ATP13A4: variants seen among roughly 807,000 people sequenced by gnomAD.
ATP13A4 encodes ATPase 13A4.
ATP13A4 carries 114 observed loss-of-function variants against 142.5 expected under a neutral mutation model. The ratio of observed to expected loss-of-function variants is 0.80; its 90% CI spans 0.69 to 0.93. ATP13A4 has a LOEUF of 0.93. ATP13A4 is among the 40% of genes least tolerant of loss of function. The pLI, the probability that ATP13A4 is intolerant of heterozygous loss-of-function variation, is 0.00. For synonymous variants in ATP13A4, 488 were observed against 514.8 expected, an observed-to-expected ratio of 0.95 and a Z score of 0.70; for missense variants, 1,392 against 1,454.0, an observed-to-expected ratio of 0.96 and a Z score of 0.69.
chr3:193,569,901 G>A (rs531518559), intron 2 of ATP13A4, among the ~76,000 whole-genome samples: 5 of 152,248 alleles, frequency 3.3e-5, no homozygotes, highest in African/African-American at 9.6e-5. Context: ...GAGGGAAATC[G>A]GGTGCGGGGT....
intron 25 of ATP13A4, among the ~76,000 whole-genome samples, chr3:193,415,806 C>A (rs1327191547): frequency 2.6e-5 from 4 of 152,178 alleles, no homozygotes; most frequent in Non-Finnish European, 5.9e-5. Flanking sequence ...GGAAGAAAAG[C>A]TAAGGAAATT....
chr3:193,513,401 G>C (rs1026659991), intron 2 of ATP13A4, among the ~76,000 whole-genome samples: 1 of 152,236 alleles, frequency 6.6e-6, no homozygotes, highest in Admixed American at 6.5e-5. Flanking sequence ...GTTGTCATTC[G>C]GGGCCATGGG....
chr3:193,404,206 C>T, intron 29 of ATP13A4: 2 of 961,162 alleles, frequency 2.1e-6, no homozygotes, highest in Non-Finnish European at 2.5e-6. Context: ...GTTTTAAAAT[C>T]TTACTTACTT....
chr3:193,467,253 A>C, intron 10 of ATP13A4, 63 bp downstream of exon 10: 1 of 1,535,614 alleles, frequency 6.5e-7, no homozygotes, highest in South Asian at 1.1e-5. Flanking sequence ...AATAAATTTA[A>C]GGCACTAGAC....
rs1560287254 is a variant in ATP13A4, at chr3:193,573,283, A to ATATGTG, written n.291+8423_291+8424insCACATA. Among the ~76,000 whole-genome samples the ATATGTG allele has an allele frequency of 4.8e-4, 46 of 95,536 alleles. 2 individuals are homozygous for ATATGTG. The highest frequency in any genetic ancestry group is 2.0e-4 in the Admixed American group (2 of 9,900). The allele number at this position is 95,536 out of a possible 152,430, so 62.7% of individuals were successfully genotyped here. On this transcript the variant is annotated intron_variant and non_coding_transcript_variant, in intron 2 of 3. Transcript: ENST00000489140. ...GCCATATATATATATATACATATAT[A>ATATGTG]TATATACACATATATATATATATAC...
At chr3:193,559,274 C>CTGTTCAAGGTCATGTG (rs781288098), upstream of ATP13A4, among the ~76,000 whole-genome samples, 2 of 152,176 alleles carry the variant, frequency 1.3e-5, no homozygotes, top group Non-Finnish European at 2.9e-5. Context: ...TCACAAAGAG[C>CTGTTCAAGGTCATGTG]TGTTCAAGGT....
At chr3:193,516,271 G>A (rs1438353460) in intron 1 of ATP13A4, among the ~76,000 whole-genome samples, 2 of 152,200 alleles carry the variant, frequency 1.3e-5, no homozygotes, top group South Asian at 4.1e-4. Context: ...GGTTGCTTTT[G>A]TGTGTAAACA....
At chr3:193,405,605 G>A (rs1714455063) in intron 29 of ATP13A4, among the ~76,000 whole-genome samples, 1 of 152,168 alleles carries the variant, frequency 6.6e-6, no homozygotes, top group South Asian at 2.1e-4. Flanking sequence ...CCACATCGAA[G>A]GAGAGTAGAA....
At chr3:193,584,325 A>G (rs1724628854) in intron 1 of ATP13A4, among the ~76,000 whole-genome samples, 1 of 152,206 alleles carries the variant, frequency 6.6e-6, no homozygotes, top group South Asian at 2.1e-4. Context: ...ATGAGACACA[A>G]GCAAAGAAAT....
chr3:193,543,574 C>A (rs948674172), intron 1 of ATP13A4, among the ~76,000 whole-genome samples: 1 of 152,164 alleles, frequency 6.6e-6, no homozygotes, highest in African/African-American at 2.4e-5. Flanking sequence ...CTGGTTAGGA[C>A]AATCATTAAC....
Position 193,457,042 on chromosome 3 carries a change from C to T in ATP13A4, c.1873G>A (p.Gly625Ser). Reference protein sequence around the residue: ...MGGDRLAFMKGAPERVASFCQ... With the variant: ...MGGDRLAFMKSAPERVASFCQ... The stretch of plus-strand genomic sequence containing the variant: ...AAGCTGGCCACCCTCTCTGGTGCAC[C>T]TTTCATGAATGCCAGTCGGTCACCT... The change falls in exon 16 of 30, where the codon GGT (glycine) becomes AGT (serine). Residue 625 changes from glycine to serine, a missense_variant. By Grantham distance (56) the Gly-to-Ser change is moderately conservative. Transcript: ENST00000342695. 6 of 1,614,168 alleles carry T rather than the reference C, an allele frequency of 3.7e-6. No individual in the cohort carries two copies. Among genetic ancestry groups the T allele is most frequent in the Middle Eastern group, 1.7e-4 (1 of 6,060 alleles).
chr3:193,503,468 A>C (rs1720673411), intron 2 of ATP13A4, among the ~76,000 whole-genome samples: 1 of 152,206 alleles, frequency 6.6e-6, no homozygotes, highest in African/African-American at 2.4e-5. Context: ...CTAAACATAA[A>C]ACCCACTCAG....
intron 2 of ATP13A4, chr3:193,579,076 C>A: frequency 5.7e-6 from 1 of 175,728 alleles, no homozygotes; most frequent in South Asian, 1.4e-4. Context: ...CAGCAATAAT[C>A]AGGACAACAC....
chr3:193,405,149 C>A (rs1443092739), intron 29 of ATP13A4, among the ~76,000 whole-genome samples: 1 of 152,150 alleles, frequency 6.6e-6, no homozygotes, highest in East Asian at 1.9e-4. Flanking sequence ...TCGAACCCAC[C>A]CACGTAGATT....
intron 1 of ATP13A4, among the ~76,000 whole-genome samples, chr3:193,531,243 G>C (rs1004472300): frequency 7.2e-6 from 1 of 139,262 alleles, no homozygotes; most frequent in South Asian, 2.4e-4. Context: ...CTAGCACAGG[G>C]ACTTGTACAC....
chr3:193,465,206 A>G, intron 11 of ATP13A4, 78 bp from the exon 12 acceptor site: 1 of 1,449,466 alleles, frequency 6.9e-7, no homozygotes. Flanking sequence ...TTTTTTTTTG[A>G]GGCGGAGTTT....
In ATP13A4 at chr3:193,401,661, G is replaced by A. The variant is rs540234414; in HGVS notation, c.*991C>T. On this transcript the variant is annotated 3_prime_UTR_variant, in exon 30 of 30. Transcript: ENST00000342695. The stretch of plus-strand genomic sequence containing the variant: ...CCAGACCAACTCTATCATTTGTGGG[G>A]CCTGGTACAAAATGAAAATATGGGG... Among the ~76,000 whole-genome samples, 2 of 152,242 alleles carry A rather than the reference G, an allele frequency of 1.3e-5. No individual in the cohort carries two copies. The highest frequency in any genetic ancestry group is 4.1e-4 in the South Asian group (2 of 4,820).
chr3:193,488,251 C>T (rs1719748801), intron 7 of ATP13A4, among the ~76,000 whole-genome samples: 1 of 151,990 alleles, frequency 6.6e-6, no homozygotes, highest in African/African-American at 2.4e-5. Flanking sequence ...GTGACAAAAG[C>T]AAAACTCCAT....
rs1008726825 is a variant in ATP13A4, at chr3:193,568,995, C to T, written n.291+12712G>A. 7.9e-5 allele frequency among the ~76,000 whole-genome samples: 12 copies of T among 152,288 alleles called. No individual in the cohort carries two copies. In the East Asian group the frequency reaches 1.2e-3, roughly 15 times the overall value. On this transcript the variant is annotated intron_variant and non_coding_transcript_variant, in intron 2 of 3. Coordinates refer to the ATP13A4 transcript ENST00000489140. ...TCAAACAATTTATGTAGATACTACA[C>T]GCTTGCTAACTGTGGGCTATTCATA...
Sources: allele counts gnomAD v4.1 joint callset (sites outside exome capture counted in the v4.1 genomes callset), GRCh38; gene constraint gnomAD v4.1.1; transcripts MANE v1.5; gene names NCBI Gene and HGNC (gene_info 2026-07-23, HGNC 2026-07-21).